Variants in KLF12 observed in about 807,000 individuals in gnomAD.
KLF12 encodes KLF transcription factor 12, also known as Krueppel-like factor 12.
KLF12 carries 9 observed loss-of-function variants against 37.8 expected under a neutral mutation model. The observed-to-expected ratio is 0.24, with a 90% confidence interval of 0.14 to 0.42. The LOEUF is 0.42. KLF12 is among the 10% of genes least tolerant of loss of function. The pLI is 1.00. For synonymous variants in KLF12, 208 were observed against 202.1 expected, an observed-to-expected ratio of 1.03 and a Z score of -0.25; for missense variants, 411 against 516.0, an observed-to-expected ratio of 0.80 and a Z score of 1.97.
At chr13:73,702,819 G>T (rs1205425095) in intron 7 of KLF12, among the ~76,000 whole-genome samples, 1 of 152,140 alleles carries the variant, frequency 6.6e-6, no homozygotes, top group Non-Finnish European at 1.5e-5. Flanking sequence ...TTGTCTTCTG[G>T]TTTCTGTTAC....
chr13:74,124,684 C>T (rs1488749770), intron 1 of KLF12, among the ~76,000 whole-genome samples: 3 of 152,074 alleles, frequency 2.0e-5, no homozygotes, highest in Non-Finnish European at 4.4e-5. Context: ...ATCCTAGAAT[C>T]TATTTTTGGA....
chr13:74,269,806 A>ATCTAAATTTGGATAATGAGCCGC, the KLF12 span, among the ~76,000 whole-genome samples: 2 of 152,156 alleles, frequency 1.3e-5, no homozygotes, highest in Admixed American at 6.5e-5. Context: ...TGTGTGCGTG[A>ATCTAAATTTGGATAATGAGCCGC]TCTAAATTTG....
At chr13:74,210,088 AC>A in the KLF12 span, among the ~76,000 whole-genome samples, 1 of 152,182 alleles carries the variant, frequency 6.6e-6, no homozygotes, top group African/African-American at 2.4e-5. Context: ...TAAAACAGAT[AC>A]CTGGCAAAAC....
chr13:74,114,640 AGAGACACAC>A (rs200940906), intron 1 of KLF12, among the ~76,000 whole-genome samples: 2,879 of 152,314 alleles, frequency 0.019, 86 homozygotes, highest in African/African-American at 0.065. Flanking sequence ...TATTTACAGC[AGAGACACAC>A]TATTAAAATC....
the KLF12 span, among the ~76,000 whole-genome samples, chr13:74,152,875 C>A: frequency 7.1e-6 from 1 of 140,294 alleles, no homozygotes; most frequent in South Asian, 2.3e-4. Context: ...CAGAGTGAGA[C>A]CCCATTACAG....
intron 6 of KLF12, among the ~76,000 whole-genome samples, chr13:73,741,898 G>A (rs929568154): frequency 4.6e-5 from 7 of 152,258 alleles, no homozygotes; most frequent in African/African-American, 7.2e-5. Context: ...CACTAAGCTC[G>A]GGGGATGCAG....
At chr13:74,278,481 T>A in the KLF12 span, among the ~76,000 whole-genome samples, 6 of 152,206 alleles carry the variant, frequency 3.9e-5, no homozygotes, top group Non-Finnish European at 7.3e-5. Flanking sequence ...CACAAGGGAA[T>A]CTGTCAGCCT....
chr13:73,958,739 T>C (rs1487779475), intron 2 of KLF12, among the ~76,000 whole-genome samples: 2 of 152,114 alleles, frequency 1.3e-5, no homozygotes, highest in African/African-American at 4.8e-5. Flanking sequence ...CCACCCAATC[T>C]TTCTGGAAAT....
At chr13:73,743,876 G>C (rs1293407646) in intron 6 of KLF12, among the ~76,000 whole-genome samples, 1 of 152,150 alleles carries the variant, frequency 6.6e-6, no homozygotes, top group Non-Finnish European at 1.5e-5. Flanking sequence ...TGACTAAGAA[G>C]TACATGGAGG....
intron 1 of KLF12, among the ~76,000 whole-genome samples, chr13:74,039,988 T>C (rs1411587127): frequency 6.6e-6 from 1 of 152,232 alleles, no homozygotes; most frequent in Non-Finnish European, 1.5e-5. Context: ...AGACCAAGTG[T>C]GGTTAGTAGA....
At chr13:74,111,380 T>C (rs1356074426) in intron 1 of KLF12, among the ~76,000 whole-genome samples, 1 of 152,132 alleles carries the variant, frequency 6.6e-6, no homozygotes. Context: ...GTTCTTATAA[T>C]ACCTAATTTG....
intron 2 of KLF12, among the ~76,000 whole-genome samples, chr13:73,955,301 T>C (rs1475576365): frequency 1.3e-5 from 2 of 152,210 alleles, no homozygotes; most frequent in African/African-American, 4.8e-5. Flanking sequence ...CACTAAGTTT[T>C]GTGTGTTATA....
upstream of KLF12, among the ~76,000 whole-genome samples, chr13:74,137,824 G>A (rs1181519708): frequency 6.6e-6 from 1 of 152,110 alleles, no homozygotes; most frequent in Non-Finnish European, 1.5e-5. Context: ...GCAACGGCGC[G>A]ATTTCGGCTC....
At chr13:73,972,869 A>G (rs2138117523) in intron 2 of KLF12, among the ~76,000 whole-genome samples, 1 of 151,940 alleles carries the variant, frequency 6.6e-6, no homozygotes, top group South Asian at 2.1e-4. Context: ...GAAAAATACA[A>G]TAAAGAACAC....
the KLF12 span, among the ~76,000 whole-genome samples, chr13:74,209,432 GT>G: frequency 2.0e-5 from 3 of 151,122 alleles, no homozygotes; most frequent in African/African-American, 7.3e-5. Flanking sequence ...TAAATACTCT[GT>G]ACACTGAGCA....
chr13:73,965,578 C>T (rs543472584), intron 2 of KLF12, among the ~76,000 whole-genome samples: 1 of 152,224 alleles, frequency 6.6e-6, no homozygotes, highest in Admixed American at 6.5e-5. Context: ...ACGATCCATC[C>T]CCTTCTGCGT....
At chr13:74,053,968 A>G (rs1276102849) in intron 1 of KLF12, among the ~76,000 whole-genome samples, 1 of 152,198 alleles carries the variant, frequency 6.6e-6, no homozygotes, top group Non-Finnish European at 1.5e-5. Flanking sequence ...ATGAACATTT[A>G]GAGGCATATT....
intron 5 of KLF12, among the ~76,000 whole-genome samples, chr13:73,768,275 G>T (rs1003823475): frequency 6.6e-6 from 1 of 152,168 alleles, no homozygotes; most frequent in Admixed American, 6.5e-5. Context: ...TCTTTAGAAT[G>T]GTGCTCAGTA....
At chr13:74,298,882 T>C in the KLF12 span, among the ~76,000 whole-genome samples, 1 of 152,216 alleles carries the variant, frequency 6.6e-6, no homozygotes, top group Non-Finnish European at 1.5e-5. Flanking sequence ...CAGGGACTCC[T>C]GTGCTCAAAC....
Sources: allele counts gnomAD v4.1 joint callset (sites outside exome capture counted in the v4.1 genomes callset), GRCh38; gene constraint gnomAD v4.1.1; transcripts MANE v1.5; gene names NCBI Gene and HGNC (gene_info 2026-07-23, HGNC 2026-07-21).